Variants in SPAG16 observed in about 807,000 individuals in gnomAD.
SPAG16 encodes the protein sperm-associated antigen 16 protein.
A neutral mutation model predicts 80.4 loss-of-function variants in SPAG16; 86 were observed. That is an observed-to-expected ratio of 1.07 (90% CI 0.90 to 1.28). The LOEUF is 1.28. SPAG16 is among the 50% of genes most tolerant of loss of function. SPAG16 has a pLI of 0.00. For synonymous variants in SPAG16, 294 were observed against 265.9 expected (o/e 1.11, Z -1.03); for missense variants, 870 against 765.3 (o/e 1.14, Z -1.61).
chr2:214,187,434 A>T (rs1180437877), intron 15 of SPAG16, among the ~76,000 whole-genome samples: 2 of 152,154 alleles, frequency 1.3e-5, no homozygotes, highest in Non-Finnish European at 1.5e-5. Flanking sequence ...CTTAGCTATG[A>T]TTATTAAATC....
At chr2:213,989,441 T>C (rs1026107233) in intron 12 of SPAG16, among the ~76,000 whole-genome samples, 8 of 152,128 alleles carry the variant, frequency 5.3e-5, no homozygotes, top group Non-Finnish European at 1.2e-4. Flanking sequence ...TGGTGCGTTA[T>C]CATGGGGTTT....
At chr2:213,833,786 C>T (rs1473503771) in intron 10 of SPAG16, among the ~76,000 whole-genome samples, 2 of 149,030 alleles carry the variant, frequency 1.3e-5, no homozygotes, top group Non-Finnish European at 3.0e-5. Flanking sequence ...ATAAATGTAT[C>T]ACAGCCATTT....
chr2:214,228,736 G>C (rs1278578676), intron 15 of SPAG16, among the ~76,000 whole-genome samples: 2 of 151,818 alleles, frequency 1.3e-5, no homozygotes, highest in African/African-American at 4.8e-5. Context: ...CTCTCCTATT[G>C]AGCTTTTATC....
rs1201016333 is a variant in SPAG16, at chr2:213,649,351, AG to A, written c.1070+159263del. Among the ~76,000 whole-genome samples the A allele has an allele frequency of 1.3e-4, 20 of 152,324 alleles. No homozygotes were observed. In the South Asian group the frequency reaches 2.5e-3, roughly 19 times the overall value. ...AAGATAGGTCTGTGTTTCTGGAGAA[AG>A]GTTATACAATGAGGAGGTAGCTGGG... On this transcript the variant is annotated intron_variant, in intron 10 of 15. Transcript: ENST00000331683.
intron 15 of SPAG16, among the ~76,000 whole-genome samples, chr2:214,393,494 C>T (rs1701199446): frequency 6.6e-6 from 1 of 151,302 alleles, no homozygotes; most frequent in Non-Finnish European, 1.5e-5. Flanking sequence ...ATTTTCAGGT[C>T]TAAAAAATTT....
intron 15 of SPAG16, among the ~76,000 whole-genome samples, chr2:214,151,042 C>T (rs2055950285): frequency 6.6e-6 from 1 of 152,012 alleles, no homozygotes; most frequent in Admixed American, 6.6e-5. Context: ...AATGAAAACA[C>T]TTTATCAGTC....
chr2:213,563,943 GCTT>G (rs958795696), intron 10 of SPAG16, among the ~76,000 whole-genome samples: 2 of 152,146 alleles, frequency 1.3e-5, no homozygotes, highest in Admixed American at 6.5e-5. Context: ...TGGAAAACCA[GCTT>G]CTTCTTCTGC....
intron 13 of SPAG16, among the ~76,000 whole-genome samples, chr2:214,093,196 T>A (rs536069453): frequency 7.2e-5 from 11 of 152,154 alleles, no homozygotes; most frequent in African/African-American, 2.6e-4. Context: ...GTTAGTAATT[T>A]TATATATATA....
intron 11 of SPAG16, among the ~76,000 whole-genome samples, chr2:213,924,954 T>A (rs1339055340): frequency 6.6e-6 from 1 of 152,082 alleles, no homozygotes; most frequent in Non-Finnish European, 1.5e-5. Flanking sequence ...TAATTGTAAG[T>A]TTTTCTTACC....
intron 9 of SPAG16, among the ~76,000 whole-genome samples, chr2:213,410,601 T>A (rs546278657): frequency 6.6e-6 from 1 of 152,208 alleles, no homozygotes; most frequent in Non-Finnish European, 1.5e-5. Flanking sequence ...AACCCTACAT[T>A]CATTTTACTA....
intron 9 of SPAG16, among the ~76,000 whole-genome samples, chr2:213,489,387 C>G (rs972105404): frequency 6.6e-6 from 1 of 151,896 alleles, no homozygotes; most frequent in Non-Finnish European, 1.5e-5. Context: ...GGGCGGTGAC[C>G]AAGAAATGAC....
intron 11 of SPAG16, among the ~76,000 whole-genome samples, chr2:213,868,595 C>T (rs558667137): frequency 1.3e-5 from 2 of 152,290 alleles, no homozygotes; most frequent in East Asian, 1.9e-4. Flanking sequence ...ATACAATGTC[C>T]AGTTCACCAG....
intron 15 of SPAG16, among the ~76,000 whole-genome samples, chr2:214,331,082 A>G (rs1054683775): frequency 1.3e-5 from 2 of 152,114 alleles, no homozygotes; most frequent in African/African-American, 4.8e-5. Context: ...GCTATCATCT[A>G]TGTAGGTCTG....
At chr2:214,339,568 G>A (rs975677015) in intron 15 of SPAG16, among the ~76,000 whole-genome samples, 6 of 152,150 alleles carry the variant, frequency 3.9e-5, no homozygotes, top group Admixed American at 2.0e-4. Flanking sequence ...GGAGTAGAAC[G>A]TCTCTATTTC....
At chr2:214,158,123 G>A (rs2056294072) in intron 15 of SPAG16, among the ~76,000 whole-genome samples, 1 of 151,998 alleles carries the variant, frequency 6.6e-6, no homozygotes, top group South Asian at 2.1e-4. Context: ...ACTTTATCAT[G>A]AATAAAATAC....
intron 10 of SPAG16, among the ~76,000 whole-genome samples, chr2:213,688,230 C>T (rs747011611): frequency 3.3e-5 from 5 of 152,082 alleles, no homozygotes; most frequent in Non-Finnish European, 7.4e-5. Context: ...ATTGTGGAGA[C>T]CAAGGTATTT....
At chr2:213,456,734 CT>C (rs1431125889) in intron 9 of SPAG16, among the ~76,000 whole-genome samples, 2 of 151,862 alleles carry the variant, frequency 1.3e-5, no homozygotes, top group African/African-American at 4.8e-5. Flanking sequence ...GTGTATGTAA[CT>C]CAGTTTTGAA....
chr2:213,403,621 G>C (rs1269766734), intron 9 of SPAG16, among the ~76,000 whole-genome samples: 2 of 152,112 alleles, frequency 1.3e-5, no homozygotes, highest in African/African-American at 4.8e-5. Context: ...GCAAAAACTG[G>C]AAGCATTCCC....
intron 10 of SPAG16, among the ~76,000 whole-genome samples, chr2:213,527,420 G>A (rs1010676339): frequency 1.3e-5 from 2 of 152,094 alleles, no homozygotes; most frequent in African/African-American, 4.8e-5. Flanking sequence ...CTTTAACCTT[G>A]TGGGATTTTT....
Sources: allele counts gnomAD v4.1 joint callset (sites outside exome capture counted in the v4.1 genomes callset), GRCh38; gene constraint gnomAD v4.1.1; transcripts MANE v1.5; gene names NCBI Gene and HGNC (gene_info 2026-07-23, HGNC 2026-07-21).